The following TLL1 variants were observed in gnomAD, a reference collection of about 807,000 sequenced individuals.
The protein encoded by TLL1 is tolloid like 1, also known as tolloid-like protein 1.
In TLL1, 49 loss-of-function variants were observed where a neutral mutation model predicts 128.2. The ratio of observed to expected loss-of-function variants is 0.38; its 90% CI spans 0.30 to 0.48. The LOEUF (loss-of-function observed/expected upper bound fraction) is 0.48, where lower values mean the gene tolerates loss of function less well. Ranked by LOEUF, TLL1 falls within the 20% of genes least tolerant of loss-of-function variation. The probability of loss-of-function intolerance (pLI) is 0.96; values close to 1 mark genes in which losing one functional copy is unlikely to be tolerated. For missense variants in TLL1, 1,123 were observed against 1,242.0 expected (o/e 0.90, Z 1.44); for synonymous variants, 454 against 418.8 (o/e 1.08, Z -1.03).
rs769683238 is a variant in TLL1, at chr4:165,995,197, G to A, written c.632+19G>A. 14 of 1,548,140 alleles carry A rather than the reference G, an allele frequency of 9.0e-6. No homozygotes were observed. Among genetic ancestry groups the A allele is most frequent in the Non-Finnish European group, 1.2e-5 (14 of 1,120,260 alleles). ...CTTGTGGGTAAGTAGAACTAGGTAG[G>A]GACTGACTTAAGGAAAAAAAAAATT... On this transcript the variant is annotated intron_variant, in intron 5 of 20. Coordinates refer to ENST00000061240, the MANE Select transcript of TLL1 (RefSeq NM_012464.5).
chr4:166,081,209 T>G (rs1342782216), intron 18 of TLL1, among the ~76,000 whole-genome samples: 1 of 152,178 alleles, frequency 6.6e-6, no homozygotes, highest in Non-Finnish European at 1.5e-5. Flanking sequence ...TAGTAGGTTT[T>G]GTTTTTGGTT....
At chr4:166,013,118 T>C (rs187677162) in intron 7 of TLL1, among the ~76,000 whole-genome samples, 1 of 151,898 alleles carries the variant, frequency 6.6e-6, no homozygotes, top group African/African-American at 2.4e-5. Context: ...TTCTCTGATC[T>C]TCACTTTCTT....
At chr4:166,045,270 C>T (rs1435820063) in intron 12 of TLL1, among the ~76,000 whole-genome samples, 1 of 152,152 alleles carries the variant, frequency 6.6e-6, no homozygotes, top group Non-Finnish European at 1.5e-5. Context: ...CTTGTCTTTA[C>T]ATGACCAAAA....
chr4:165,937,007 T>C (rs1252674584), intron 1 of TLL1, among the ~76,000 whole-genome samples: 2 of 152,202 alleles, frequency 1.3e-5, no homozygotes, highest in African/African-American at 4.8e-5. Context: ...TTATTGTCCC[T>C]ACTTTTAAAT....
intron 12 of TLL1, among the ~76,000 whole-genome samples, chr4:166,044,697 T>C (rs1739385965): frequency 6.6e-6 from 1 of 152,260 alleles, no homozygotes; most frequent in South Asian, 2.1e-4. Flanking sequence ...TGATAGTTAA[T>C]TAAAATTGAG....
chr4:166,030,903 A>G lies in TLL1; in HGVS notation c.1158+5472A>G, dbSNP rs1027230229. The G allele has an allele frequency of 7.0e-5, 69 of 983,922 alleles. No individual in the cohort carries two copies. In the African/African-American group the frequency reaches 1.2e-3, roughly 17 times the overall value. The allele number at this position is 983,922 out of a possible 1,614,324, so 60.9% of individuals were successfully genotyped here. The stretch of plus-strand genomic sequence containing the variant: ...CATGAATTTATAAAACTATAGTTTC[A>G]CTGGATATAGTTGGCTGCACATTTA... On this transcript the variant is annotated intron_variant, in intron 9 of 20. Coordinates refer to ENST00000061240, the MANE Select transcript of TLL1 (RefSeq NM_012464.5).
At chr4:165,943,268 C>G (rs1037743084) in intron 1 of TLL1, among the ~76,000 whole-genome samples, 8 of 151,862 alleles carry the variant, frequency 5.3e-5, no homozygotes, top group African/African-American at 1.9e-4. Flanking sequence ...TGCAAAAAAG[C>G]AAAATGTTTA....
chr4:166,041,812 G>C (rs1739253547), intron 10 of TLL1, among the ~76,000 whole-genome samples: 1 of 152,072 alleles, frequency 6.6e-6, no homozygotes, highest in Non-Finnish European at 1.5e-5. Context: ...GCTACTCTGA[G>C]GCTGATGGTC....
chr4:165,876,890 C>T (rs1358922639), intron 1 of TLL1, among the ~76,000 whole-genome samples: 2 of 152,180 alleles, frequency 1.3e-5, no homozygotes, highest in Non-Finnish European at 2.9e-5. Context: ...AAGCGAAGAT[C>T]ATAGCTTCAT....
At chr4:165,980,130 T>C (rs368841118) in intron 1 of TLL1, among the ~76,000 whole-genome samples, 17 of 152,286 alleles carry the variant, frequency 1.1e-4, no homozygotes, top group African/African-American at 3.8e-4. Flanking sequence ...ACAAGCACTC[T>C]TCCGAGCATG....
intron 15 of TLL1, among the ~76,000 whole-genome samples, chr4:166,060,409 T>C (rs1209846184): frequency 6.6e-6 from 1 of 151,982 alleles, no homozygotes; most frequent in Non-Finnish European, 1.5e-5. Context: ...GGAGTTTTTA[T>C]TTAGTGTATT....
chr4:166,063,942 G>A (rs1029888737), intron 15 of TLL1, among the ~76,000 whole-genome samples: 4 of 151,324 alleles, frequency 2.6e-5, no homozygotes, highest in African/African-American at 7.3e-5. Context: ...ACGTGTATAC[G>A]TATGTAACAA....
chr4:166,083,473 C>A (rs1741377896), intron 18 of TLL1, among the ~76,000 whole-genome samples: 1 of 122,392 alleles, frequency 8.2e-6, no homozygotes, highest in Non-Finnish European at 1.9e-5. Context: ...TATGATAGTT[C>A]TATTGAATTT....
chr4:166,042,880 A>C (rs773645896), intron 11 of TLL1, among the ~76,000 whole-genome samples: 1 of 152,194 alleles, frequency 6.6e-6, no homozygotes, highest in Admixed American at 6.5e-5. Context: ...AGACCCAGTG[A>C]GTTCTGTTCA....
chr4:166,043,982 G>A (rs901612276), intron 12 of TLL1, among the ~76,000 whole-genome samples: 1 of 152,072 alleles, frequency 6.6e-6, no homozygotes, highest in Non-Finnish European at 1.5e-5. Flanking sequence ...CAGAATTTTT[G>A]GATCAAAGTC....
intron 1 of TLL1, among the ~76,000 whole-genome samples, chr4:165,892,546 A>T (rs750033309): frequency 6.6e-6 from 1 of 152,136 alleles, no homozygotes; most frequent in Non-Finnish European, 1.5e-5. Flanking sequence ...TATGCCATTA[A>T]TGTTTTTTTT....
At chr4:166,048,232 G>T (rs893723224) in intron 12 of TLL1, among the ~76,000 whole-genome samples, 1 of 130,232 alleles carries the variant, frequency 7.7e-6, no homozygotes, top group African/African-American at 3.2e-5. Flanking sequence ...GCGAAATTCC[G>T]TCTCGGAAAA....
chr4:166,052,421 A>G (rs539819802), intron 12 of TLL1, among the ~76,000 whole-genome samples: 1 of 152,118 alleles, frequency 6.6e-6, no homozygotes, highest in Admixed American at 6.5e-5. Context: ...CAGACTCCCA[A>G]GTAGCTGGGA....
chr4:166,004,536 T>A (rs1257116339), intron 6 of TLL1, among the ~76,000 whole-genome samples: 1 of 152,070 alleles, frequency 6.6e-6, no homozygotes, highest in African/African-American at 2.4e-5. Context: ...TAGTAATATA[T>A]GTTGAAAATA....
Sources: gnomAD v4.1 joint callset for allele counts (sites outside exome capture counted in the v4.1 genomes callset) on GRCh38, gnomAD v4.1.1 for gene constraint, MANE v1.5 for transcripts, NCBI Gene and HGNC (gene_info 2026-07-23, HGNC 2026-07-21) for gene names.